Variants in NOX3 observed in about 807,000 individuals in gnomAD.
NOX3 encodes the protein NADPH oxidase catalytic subunit-like 3.
A neutral mutation model predicts 76.7 loss-of-function variants in NOX3; 74 were observed. The observed-to-expected ratio is 0.96, with a 90% CI of 0.80 to 1.17. The LOEUF is 1.17. Among genes scored for constraint, NOX3 ranks in the 50% most tolerant of loss-of-function variants. NOX3 has a pLI of 0.00. For missense variants in NOX3, 695 were observed against 703.3 expected (o/e 0.99, Z 0.13); for synonymous variants, 263 against 261.1 (o/e 1.01, Z -0.07).
chr6:155,450,373 C>T (rs1777118299), intron 4 of NOX3, among the ~76,000 whole-genome samples: 1 of 152,240 alleles, frequency 6.6e-6, no homozygotes, highest in Non-Finnish European at 1.5e-5. Context: ...CCACCCCAGA[C>T]TGCTCATGAC....
intron 1 of NOX3, 70 bp from the exon 2 acceptor site, chr6:155,455,199 G>A (rs1777199340): frequency 2.1e-6 from 2 of 964,466 alleles, no homozygotes; most frequent in Non-Finnish European, 3.2e-6. Flanking sequence ...AATCACTTGG[G>A]GTTCTTCTTT....
intron 4 of NOX3, among the ~76,000 whole-genome samples, chr6:155,447,429 T>C (rs1777078770): frequency 6.6e-6 from 1 of 152,222 alleles, no homozygotes; most frequent in African/African-American, 2.4e-5. Flanking sequence ...TTTGACACTG[T>C]TAAACTAAAT....
At chr6:155,451,460 A>G (rs1777138542) in intron 4 of NOX3, among the ~76,000 whole-genome samples, 1 of 152,204 alleles carries the variant, frequency 6.6e-6, no homozygotes, top group Non-Finnish European at 1.5e-5. Flanking sequence ...AGAAAGTTAT[A>G]GCTGCTTTCA....
intron 9 of NOX3, among the ~76,000 whole-genome samples, chr6:155,427,387 C>T (rs1396576122): frequency 1.3e-5 from 2 of 152,192 alleles, no homozygotes; most frequent in Admixed American, 1.3e-4. Context: ...TATTGTGGTA[C>T]CTTGTTTGTC....
chr6:155,429,719 A>G (rs377477204), intron 8 of NOX3, among the ~76,000 whole-genome samples: 9 of 152,034 alleles, frequency 5.9e-5, no homozygotes, highest in East Asian at 3.9e-4. Flanking sequence ...TTAGATTTCA[A>G]TCTTGTTTCC....
At chr6:155,445,981 C>CTATATATATATATATATATGCTATATA (rs61040526) in intron 4 of NOX3, among the ~76,000 whole-genome samples, 5 of 104,200 alleles carry the variant, frequency 4.8e-5, no homozygotes, top group Non-Finnish European at 1.1e-4. Flanking sequence ...TATATATATG[C>CTATATATATATATATATATGCTATATA]TATATATATA....
At chr6:155,417,746 AG>A (rs1776638772) in intron 10 of NOX3, among the ~76,000 whole-genome samples, 1 of 152,236 alleles carries the variant, frequency 6.6e-6, no homozygotes, top group Middle Eastern at 3.2e-3. Context: ...ACTAGAAAAG[AG>A]AGCAGGCCCT....
chr6:155,420,430 G>A (rs754386854), intron 10 of NOX3, among the ~76,000 whole-genome samples: 2 of 152,156 alleles, frequency 1.3e-5, no homozygotes, highest in African/African-American at 2.4e-5. Flanking sequence ...AAATCATCAC[G>A]AACCAAAACA....
At chr6:155,395,917 A>C (rs1779132362) in intron 13 of NOX3, among the ~76,000 whole-genome samples, 2 of 152,180 alleles carry the variant, frequency 1.3e-5, no homozygotes, top group African/African-American at 4.8e-5. Flanking sequence ...ATTGAGAAAG[A>C]AATATGAAAG....
intron 5 of NOX3, among the ~76,000 whole-genome samples, chr6:155,442,911 C>T (rs576621090): frequency 1.3e-5 from 2 of 152,150 alleles, no homozygotes; most frequent in South Asian, 4.2e-4. Flanking sequence ...CTGTGTTTAG[C>T]TGGCACTTCA....
At chr6:155,425,310 T>C (rs1007552070) in intron 9 of NOX3, among the ~76,000 whole-genome samples, 1 of 152,222 alleles carries the variant, frequency 6.6e-6, no homozygotes, top group Non-Finnish European at 1.5e-5. Context: ...ACAATCTGAA[T>C]CAGCTTCATT....
chr6:155,411,579 G>A (rs1776552921), intron 10 of NOX3, among the ~76,000 whole-genome samples: 1 of 152,196 alleles, frequency 6.6e-6, no homozygotes. Flanking sequence ...AATTCAGAGA[G>A]TCAGGAGCCT....
chr6:155,446,327 A>G (rs1777064598), intron 4 of NOX3, among the ~76,000 whole-genome samples: 1 of 152,132 alleles, frequency 6.6e-6, no homozygotes, highest in Non-Finnish European at 1.5e-5. Context: ...GAACACAAAC[A>G]TTGTCCAGTA....
intron 7 of NOX3, 67 bp downstream of exon 7, chr6:155,436,351 C>G: frequency 6.4e-7 from 1 of 1,572,192 alleles, no homozygotes; most frequent in Non-Finnish European, 8.7e-7. Flanking sequence ...TTTTTCCAAG[C>G]CTATAAAAAC....
In NOX3 at chr6:155,422,770, A is replaced by G; in HGVS notation, c.1232T>C (p.Val411Ala). Reference protein sequence around the residue: ...VCVCVAAGIGVTPFAALLKSI... With the variant: ...VCVCVAAGIGATPFAALLKSI... ...TTTCAGAAGAGCAGCGAAGGGAGTG[A>G]CTCCGATCCCCGCGGCAACGCACAC... Residue 411 changes from valine to alanine, a missense_variant, in exon 10 of 14, where the codon GTC (valine) becomes GCC (alanine). Val to Ala is a moderately conservative substitution (Grantham distance 64). Transcript: ENST00000159060. 6.2e-7 allele frequency: 1 copy of G among 1,614,088 alleles called. No homozygotes were observed. Among genetic ancestry groups the G allele is most frequent in the Non-Finnish European group, 8.5e-7 (1 of 1,179,992 alleles).
chr6:155,417,224 C>T (rs995278346), intron 10 of NOX3, among the ~76,000 whole-genome samples: 1 of 152,174 alleles, frequency 6.6e-6, no homozygotes, highest in Non-Finnish European at 1.5e-5. Context: ...GCCTTCTACA[C>T]ACACACACCC....
intron 13 of NOX3, among the ~76,000 whole-genome samples, chr6:155,396,514 CCT>C (rs1779139074): frequency 6.6e-6 from 1 of 152,148 alleles, no homozygotes; most frequent in African/African-American, 2.4e-5. Flanking sequence ...CAGCTCGCCC[CCT>C]GAGTGTGTGG....
chr6:155,416,909 C>A (rs534434329), intron 10 of NOX3, among the ~76,000 whole-genome samples: 146 of 152,010 alleles, frequency 9.6e-4, no homozygotes, highest in African/African-American at 3.2e-3. Context: ...TGACACCACG[C>A]CCGGCTAATT....
At chr6:155,430,975 A>G (rs1471164361) in intron 7 of NOX3, 40 bp from the exon 8 acceptor site, 1 of 1,221,062 alleles carries the variant, frequency 8.2e-7, no homozygotes, top group Admixed American at 1.8e-5. Flanking sequence ...AAGGAAATGA[A>G]AATAGAATCC....
Sources: allele counts gnomAD v4.1 joint callset (sites outside exome capture counted in the v4.1 genomes callset), GRCh38; gene constraint gnomAD v4.1.1; transcripts MANE v1.5; gene names NCBI Gene and HGNC (gene_info 2026-07-23, HGNC 2026-07-21).